PCDH19: variants seen among roughly 807,000 people sequenced by gnomAD.
PCDH19 encodes protocadherin-19.
A neutral mutation model predicts 46.2 loss-of-function variants in PCDH19; 6 were observed. The ratio of observed to expected loss-of-function variants is 0.13; its 90% confidence interval spans 0.07 to 0.26. The LOEUF (loss-of-function observed/expected upper bound fraction) is 0.26, where lower values mean the gene tolerates loss of function less well. Ranked by LOEUF, PCDH19 falls within the 10% of genes least tolerant of loss-of-function variation. The pLI is 1.00. For missense variants in PCDH19, 740 were observed against 972.3 expected, an observed-to-expected ratio of 0.76 and a Z score of 3.18; for synonymous variants, 481 against 415.7, an observed-to-expected ratio of 1.16 and a Z score of -1.91.
At chrX:100,372,475 G>A (rs1927257177) in intron 3 of PCDH19, among the ~76,000 whole-genome samples, 1 of 112,181 alleles carries the variant, frequency 8.9e-6, no homozygotes, top group Non-Finnish European at 1.9e-5. Context: ...TTCTGATCAT[G>A]AGATTCCAGT....
At chrX:100,387,624 A>C (rs760733187) in intron 3 of PCDH19, among the ~76,000 whole-genome samples, 5 of 111,978 alleles carry the variant, frequency 4.5e-5, no homozygotes, top group Non-Finnish European at 7.5e-5. Flanking sequence ...AGTTGCAGTT[A>C]AATTTTACTA....
At position 100,402,687 on chromosome X, in the gene PCDH19, T is replaced by C; in HGVS notation, c.2453A>G (p.Gln818Arg). ...TSSLNYFDYH[Q>R]QTLPLGCRRS... ...GCGGCAGCCCAGGGGCAGCGTCTGC[T>C]GGTGGTAGTCAAAATAGTTGAGGGA... The change falls in exon 3 of 6, where the codon CAG (glutamine) becomes CGG (arginine). Residue 818 changes from glutamine (Q) to arginine (R), a missense_variant. Physicochemically the swap from Gln to Arg is conservative, Grantham distance 43. Around this residue, in one of 5 missense-constraint regions of PCDH19, gnomAD observed 416 missense variants for 476.8 expected, o/e 0.87. Coordinates refer to ENST00000373034, the MANE Select transcript of PCDH19 (RefSeq NM_001184880.2). 8.3e-7 allele frequency: 1 copy of C among 1,211,940 alleles called. No homozygotes were observed. Among genetic ancestry groups the C allele is most frequent in the Non-Finnish European group, 1.1e-6 (1 of 895,492 alleles).
intron 5 of PCDH19, among the ~76,000 whole-genome samples, chrX:100,299,058 A>G (rs1924699456): frequency 9.0e-6 from 1 of 111,321 alleles, no homozygotes; most frequent in African/African-American, 3.3e-5. Flanking sequence ...CAGGTGGGGG[A>G]AAAGTTCAAT....
In PCDH19 at chrX:100,363,230, G is replaced by A. The variant is rs183003470; in HGVS notation, c.2617-12526C>T. Among the ~76,000 whole-genome samples, 3 of 109,377 alleles carry A rather than the reference G, an allele frequency of 2.7e-5. No individual in the cohort carries two copies. In the East Asian group the frequency reaches 8.6e-4, roughly 31 times the overall value. The allele number at this position is 109,377 out of a possible 115,157, so 95.0% of individuals were successfully genotyped here. On this transcript the variant is annotated intron_variant, in intron 3 of 5. Transcript: ENST00000373034. ...GAGGCAGGAGAATCGCTTGAACCCGGGAGGCAGAGGTTGCAGTAAGCCAAG... is the reference window on the plus strand; with the variant it reads ...GAGGCAGGAGAATCGCTTGAACCCGAGAGGCAGAGGTTGCAGTAAGCCAAG...
intron 5 of PCDH19, among the ~76,000 whole-genome samples, chrX:100,324,795 C>T (rs1467431212): frequency 1.8e-5 from 2 of 110,933 alleles, no homozygotes; most frequent in Non-Finnish European, 3.8e-5. Context: ...ATCATCTTGC[C>T]GCTACTCTTT....
intron 3 of PCDH19, among the ~76,000 whole-genome samples, chrX:100,355,370 G>A (rs1224451089): frequency 9.0e-6 from 1 of 111,441 alleles, no homozygotes; most frequent in African/African-American, 3.3e-5. Flanking sequence ...TATACTCAAG[G>A]ACCCCAAACT....
At chrX:100,399,331 T>C (rs1263787617) in intron 3 of PCDH19, among the ~76,000 whole-genome samples, 1 of 111,937 alleles carries the variant, frequency 8.9e-6, no homozygotes, top group Non-Finnish European at 1.9e-5. Context: ...AAAATGTTAT[T>C]ATCCTAGCAA....
chrX:100,308,618 C>T (rs1322993186), intron 5 of PCDH19, among the ~76,000 whole-genome samples: 1 of 111,192 alleles, frequency 9.0e-6, no homozygotes, highest in Non-Finnish European at 1.9e-5. Context: ...AAAATCTTCA[C>T]AATCTATACA....
At position 100,370,793 on chromosome X, in the gene PCDH19, T is replaced by A. The variant is rs1256007898; in HGVS notation, c.2617-20089A>T. 6.3e-5 allele frequency among the ~76,000 whole-genome samples: 7 copies of A among 111,554 alleles called. No individual in the cohort carries two copies. In the East Asian group the frequency reaches 8.4e-4, roughly 13 times the overall value. ...AAAGTAAAAGATGCATTTTTTCCTA[T>A]AATCTTTCATTTTTAGGAGGTTTTG... is the stretch of plus-strand genomic sequence containing the variant. On this transcript the variant is annotated intron_variant, in intron 3 of 5. Transcript: ENST00000373034.
chrX:100,353,515 A>G (rs748856072), intron 3 of PCDH19, among the ~76,000 whole-genome samples: 3 of 111,889 alleles, frequency 2.7e-5, no homozygotes, highest in African/African-American at 9.7e-5. Context: ...TTGTATCACT[A>G]ATGAAAATAC....
intron 3 of PCDH19, among the ~76,000 whole-genome samples, chrX:100,365,641 C>T (rs897361400): frequency 3.6e-5 from 4 of 111,330 alleles, no homozygotes; most frequent in Admixed American, 9.6e-5. Flanking sequence ...AATATATACT[C>T]GTAAAGCATT....
intron 3 of PCDH19, among the ~76,000 whole-genome samples, chrX:100,369,161 C>A (rs1427635730): frequency 1.8e-5 from 2 of 111,528 alleles, no homozygotes; most frequent in Admixed American, 1.9e-4. Context: ...AAATTTCCCA[C>A]TATGTGTTCA....
chrX:100,292,824 T>TA lies in PCDH19; in HGVS notation c.*3452dup, dbSNP rs1452005778. 8.9e-6 allele frequency: 1 copy of TA among 112,026 alleles called. No individual in the cohort carries two copies. The highest frequency in any genetic ancestry group is 3.2e-5 in the African/African-American group (1 of 30,780). 9.2% of individuals were successfully genotyped at this position (112,026 alleles called of 1,213,427 possible). ...TTTTCAAAGTCAATAAGGGTCTTAT[T>TA]ACCCGGGGTAAAGAGCCAAGTGGAC... On this transcript the variant is annotated 3_prime_UTR_variant, in exon 6 of 6. Coordinates refer to ENST00000373034, the MANE Select transcript of PCDH19 (RefSeq NM_001184880.2).
chrX:100,302,549 T>C (rs1266373248), intron 5 of PCDH19, among the ~76,000 whole-genome samples: 1 of 112,393 alleles, frequency 8.9e-6, no homozygotes, highest in African/African-American at 3.2e-5. Flanking sequence ...AGGTTCTGCA[T>C]CTGCCACAAA....
At chrX:100,333,483 G>A (rs1488812108) in intron 5 of PCDH19, among the ~76,000 whole-genome samples, 2 of 111,414 alleles carry the variant, frequency 1.8e-5, no homozygotes, top group African/African-American at 3.3e-5. Flanking sequence ...ATGCATTTTG[G>A]TCTCCAGCTC....
chrX:100,310,600 T>C (rs1354173195), intron 5 of PCDH19, among the ~76,000 whole-genome samples: 1 of 110,723 alleles, frequency 9.0e-6, no homozygotes, highest in Admixed American at 9.7e-5. Flanking sequence ...CCCCAAAAGA[T>C]AGAACACTGA....
At chrX:100,307,651 C>A (rs58946165) in intron 5 of PCDH19, among the ~76,000 whole-genome samples, 1 of 110,741 alleles carries the variant, frequency 9.0e-6, no homozygotes, top group African/African-American at 3.3e-5. Context: ...AAAACCCTAA[C>A]GAGTCATCCA....
At chrX:100,397,827 T>C (rs544940082) in intron 3 of PCDH19, among the ~76,000 whole-genome samples, 1 of 112,269 alleles carries the variant, frequency 8.9e-6, no homozygotes, top group African/African-American at 3.2e-5. Flanking sequence ...CATGTCTCCA[T>C]TCCATAAGAC....
chrX:100,349,291 G>A (rs536853621), intron 4 of PCDH19, among the ~76,000 whole-genome samples: 8 of 111,803 alleles, frequency 7.2e-5, no homozygotes, highest in South Asian at 3.8e-4. Context: ...AAACAAATTC[G>A]TCAGATAATT....
Sources: allele counts gnomAD v4.1 joint callset (sites outside exome capture counted in the v4.1 genomes callset), GRCh38; gene constraint gnomAD v4.1.1; regional missense constraint gnomAD v4.1.1; transcripts MANE v1.5; gene names NCBI Gene and HGNC (gene_info 2026-07-23, HGNC 2026-07-21).